Variants in USP34 observed in about 807,000 individuals in gnomAD.
The protein encoded by USP34 is ubiquitin carboxyl-terminal hydrolase 34.
Under a neutral mutation model 460.3 loss-of-function variants are expected in USP34, and 70 were observed. That is an observed-to-expected ratio of 0.15 (90% CI 0.13 to 0.19). The LOEUF is 0.19. Ranked by LOEUF, USP34 falls within the 10% of genes least tolerant of loss-of-function variation. The probability of loss-of-function intolerance (pLI) is 1.00; values close to 1 mark genes in which losing one functional copy is unlikely to be tolerated. For missense variants in USP34, 3,985 were observed against 4,236.2 expected, an observed-to-expected ratio of 0.94 and a Z score of 1.65; for synonymous variants, 1,647 against 1,405.3, an observed-to-expected ratio of 1.17 and a Z score of -3.85.
At chr2:61,426,888 G>C (rs1157453302) in intron 1 of USP34, among the ~76,000 whole-genome samples, 2 of 152,168 alleles carry the variant, frequency 1.3e-5, no homozygotes, top group Admixed American at 1.3e-4. Context: ...AGAAAGTAAG[G>C]AAAGAGAACA....
At chr2:61,250,060 C>T (rs1688533839) in intron 48 of USP34, among the ~76,000 whole-genome samples, 1 of 152,024 alleles carries the variant, frequency 6.6e-6, no homozygotes, top group Non-Finnish European at 1.5e-5. Flanking sequence ...CCATTCTGGC[C>T]AACATGGCAA....
intron 68 of USP34, among the ~76,000 whole-genome samples, chr2:61,213,292 G>A (rs1030019479): frequency 3.9e-5 from 6 of 152,122 alleles, no homozygotes; most frequent in Admixed American, 2.6e-4. Context: ...TTACAGGTGT[G>A]AGCCACTATG....
At chr2:61,221,650 C>G (rs1474330184) in intron 65 of USP34, 44 bp from the exon 66 acceptor site, 1 of 1,562,902 alleles carries the variant, frequency 6.4e-7, no homozygotes, top group African/African-American at 1.4e-5. Flanking sequence ...CAATCTGAAC[C>G]CATCTCCTTC....
chr2:61,466,820 A>G (rs1695777535), intron 1 of USP34, among the ~76,000 whole-genome samples: 1 of 151,606 alleles, frequency 6.6e-6, no homozygotes, highest in Non-Finnish European at 1.5e-5. Context: ...GCTGAGGCAG[A>G]AGAATCACTT....
intron 28 of USP34, 55 bp downstream of exon 28, chr2:61,301,299 C>G: frequency 6.4e-7 from 1 of 1,570,412 alleles, no homozygotes; most frequent in Non-Finnish European, 8.7e-7. Context: ...TGCGACTATT[C>G]AACTGATGAT....
At chr2:61,257,664 C>T (rs965221383) in intron 44 of USP34, among the ~76,000 whole-genome samples, 19 of 151,226 alleles carry the variant, frequency 1.3e-4, no homozygotes, top group Admixed American at 6.6e-5. Flanking sequence ...TTTGGGAGGC[C>T]GAAGCAGGCG....
At chr2:61,214,729 T>TA in intron 67 of USP34, 35 bp from the exon 68 acceptor site, 1 of 1,605,686 alleles carries the variant, frequency 6.2e-7, no homozygotes, top group Non-Finnish European at 8.5e-7. Context: ...CAGATCCTTG[T>TA]AAGATATAAA....
intron 41 of USP34, among the ~76,000 whole-genome samples, chr2:61,269,325 T>TC (rs1689145881): frequency 3.6e-5 from 1 of 27,748 alleles, no homozygotes; most frequent in South Asian, 3.5e-3. Context: ...CTTGGCTAAT[T>TC]TTTTTTTTTT....
At chr2:61,457,309 AGG>A (rs1407330203) in intron 1 of USP34, among the ~76,000 whole-genome samples, 1 of 152,214 alleles carries the variant, frequency 6.6e-6, no homozygotes, top group African/African-American at 2.4e-5. Flanking sequence ...CTGTTACCAT[AGG>A]AAGGGCCAAA....
Position 61,413,701 on chromosome 2 carries a change from G to A in USP34, c.131+7045C>T, listed in dbSNP as rs183017281. On this transcript the variant is annotated intron_variant, in intron 2 of 79. Transcript: ENST00000398571. The stretch of plus-strand genomic sequence containing the variant: ...AAAAAATAAAAAAACAAAAGAGGCC[G>A]AGTGAGTGGCTCACGCCTGTAATCC... Among the ~76,000 whole-genome samples, 1,011 of 140,944 alleles carry A rather than the reference G, an allele frequency of 7.2e-3. 11 individuals are homozygous for A. The highest frequency in any genetic ancestry group is 0.026 in the African/African-American group (954 of 37,172). The allele number at this position is 140,944 out of a possible 152,430, so 92.5% of individuals were successfully genotyped here. A position where few individuals can be genotyped will look rare whatever the true frequency, so the allele number is the denominator to read the frequency against.
chr2:61,268,625 T>C (rs765858942), intron 41 of USP34, among the ~76,000 whole-genome samples: 1 of 151,922 alleles, frequency 6.6e-6, no homozygotes, highest in Non-Finnish European at 1.5e-5. Flanking sequence ...AATGAACTAA[T>C]ACAGCAATAG....
At chr2:61,332,782 T>TTAC (rs1691310017) in intron 19 of USP34, among the ~76,000 whole-genome samples, 1 of 151,302 alleles carries the variant, frequency 6.6e-6, no homozygotes, top group African/African-American at 2.4e-5. Context: ...CACTGGATTC[T>TTAC]TACTGTAGTA....
intron 41 of USP34, among the ~76,000 whole-genome samples, chr2:61,270,945 G>A (rs767040691): frequency 6.6e-6 from 1 of 151,900 alleles, no homozygotes; most frequent in Non-Finnish European, 1.5e-5. Context: ...TCTTTCCTAT[G>A]AGTTAAATGT....
chr2:61,461,437 C>A (rs1695597892), intron 1 of USP34, among the ~76,000 whole-genome samples: 1 of 150,272 alleles, frequency 6.7e-6, no homozygotes, highest in Non-Finnish European at 1.5e-5. Flanking sequence ...ATCTGAAATA[C>A]AGAAAAAAAA....
At chr2:61,379,045 G>C (rs1354085897) in intron 7 of USP34, among the ~76,000 whole-genome samples, 1 of 150,922 alleles carries the variant, frequency 6.6e-6, no homozygotes, top group Non-Finnish European at 1.5e-5. Flanking sequence ...AAGAGAGCAA[G>C]TAATATGTCA....
At chr2:61,433,126 G>A (rs1202930389) in intron 1 of USP34, among the ~76,000 whole-genome samples, 2 of 152,302 alleles carry the variant, frequency 1.3e-5, no homozygotes, top group Middle Eastern at 3.4e-3. Flanking sequence ...GTGTCAGAGA[G>A]ACCATCTGAG....
At chr2:61,278,793 A>G (rs1453416804) in intron 39 of USP34, among the ~76,000 whole-genome samples, 1 of 151,946 alleles carries the variant, frequency 6.6e-6, no homozygotes, top group Non-Finnish European at 1.5e-5. Context: ...TAAAAAAAAA[A>G]GTCATAGTAA....
intron 67 of USP34, 147 bp downstream of exon 67, chr2:61,220,151 TAAAAAAAAAAAA>T (rs60784334): frequency 0.072 from 12,055 of 167,792 alleles, 33 homozygotes; most frequent in Middle Eastern, 0.12. Context: ...TTTCCTATCC[TAAAAAAAAAAAA>T]AAAAAAAAAA....
Position 61,411,843 on chromosome 2 carries a change from A to C in USP34, c.132-5715T>G, listed in dbSNP as rs908924280. Among the ~76,000 whole-genome samples the C allele has an allele frequency of 2.0e-5, 3 of 152,320 alleles. No individual in the cohort carries two copies. In the East Asian group the frequency reaches 5.8e-4, roughly 29 times the overall value. ...ATTACCATGAAAGGATAACAATAAT[A>C]AGATATGCGAGAAAAATTTTATCTG... is the stretch of plus-strand genomic sequence containing the variant. On this transcript the variant is annotated intron_variant, in intron 2 of 79. Coordinates refer to ENST00000398571, the MANE Select transcript of USP34 (RefSeq NM_014709.4).
Sources: allele counts gnomAD v4.1 joint callset (sites outside exome capture counted in the v4.1 genomes callset), GRCh38; gene constraint gnomAD v4.1.1; transcripts MANE v1.5; gene names NCBI Gene and HGNC (gene_info 2026-07-23, HGNC 2026-07-21).